KATNIP: variants seen among roughly 807,000 people sequenced by gnomAD.
The protein encoded by KATNIP is katanin interacting protein, also known as katanin-interacting protein.
Under a neutral mutation model 174.0 loss-of-function variants are expected in KATNIP, and 126 were observed. The ratio of observed to expected loss-of-function variants is 0.72; its 90% CI spans 0.63 to 0.84. The LOEUF (loss-of-function observed/expected upper bound fraction) is 0.84. KATNIP is among the 40% of genes least tolerant of loss of function. The pLI, the probability that KATNIP is intolerant of heterozygous loss-of-function variation, is 0.00. For synonymous variants in KATNIP, 810 were observed against 835.7 expected, an observed-to-expected ratio of 0.97 and a Z score of 0.53; for missense variants, 1,958 against 2,109.7, an observed-to-expected ratio of 0.93 and a Z score of 1.41.
At chr16:27,704,906 CTTTTTTTTTTTT>C (rs560766968) in intron 12 of KATNIP, among the ~76,000 whole-genome samples, 1 of 127,552 alleles carries the variant, frequency 7.8e-6, no homozygotes, top group East Asian at 2.2e-4. Flanking sequence ...TCTTTTTTTT[CTTTTTTTTTTTT>C]TTTTTTTTCT....
intron 6 of KATNIP, among the ~76,000 whole-genome samples, chr16:27,671,216 G>C (rs1190926731): frequency 6.6e-6 from 1 of 152,018 alleles, no homozygotes; most frequent in Non-Finnish European, 1.5e-5. Flanking sequence ...AAAATAAAAA[G>C]TCAGGTGCCT....
At chr16:27,714,863 T>C (rs2079855706) in intron 13 of KATNIP, among the ~76,000 whole-genome samples, 1 of 152,198 alleles carries the variant, frequency 6.6e-6, no homozygotes, top group Non-Finnish European at 1.5e-5. Flanking sequence ...ATTGTCGAGA[T>C]GGTAATACTT....
intron 2 of KATNIP, among the ~76,000 whole-genome samples, chr16:27,595,291 G>A (rs1426379404): frequency 1.3e-5 from 2 of 152,162 alleles, no homozygotes; most frequent in Admixed American, 1.3e-4. Flanking sequence ...GGAAGCTAAG[G>A]TGGGCGGATC....
chr16:27,558,703 T>C (rs1411846764), intron 1 of KATNIP, among the ~76,000 whole-genome samples: 1 of 152,222 alleles, frequency 6.6e-6, no homozygotes, highest in Non-Finnish European at 1.5e-5. Context: ...GTTGAGTAGT[T>C]GTAAAAGAGA....
intron 1 of KATNIP, among the ~76,000 whole-genome samples, chr16:27,556,693 G>A (rs538193495): frequency 5.3e-5 from 8 of 152,204 alleles, no homozygotes; most frequent in African/African-American, 1.4e-4. Flanking sequence ...GTACACCATC[G>A]GTTTAGCTGG....
chr16:27,769,987 C>A lies in KATNIP; in HGVS notation c.4102C>A (p.Arg1368=), dbSNP rs766568487. 1 of 1,614,102 alleles carries A rather than the reference C, an allele frequency of 6.2e-7. No homozygotes were observed. Among genetic ancestry groups the A allele is most frequent in the Non-Finnish European group, 8.5e-7 (1 of 1,179,902 alleles). The change falls in exon 21 of 28, where the codon CGG becomes AGG. Residue 1368 remains arginine (R), a synonymous_variant. Coordinates refer to ENST00000261588, the MANE Select transcript of KATNIP (RefSeq NM_015202.5). ...AGAAATCCTCTTCGTGGACTACCTA[C>A]GGGCTCAGCTGCTGCCCCAGCCGGC... ...AQEILFVDYL[R]AQLLPQPARR... is the part of the protein sequence containing the mutation.
chr16:27,778,209 G>A lies in KATNIP; in HGVS notation c.4801+240G>A, dbSNP rs148891776. Reference sequence around the variant, plus strand: ...GTGGAGCTTCCTGAATCTAAGTGTCGTGGGCACAGAGTGGGGAAGCAGTCA... The same window carrying A: ...GTGGAGCTTCCTGAATCTAAGTGTCATGGGCACAGAGTGGGGAAGCAGTCA... On this transcript the variant is annotated intron_variant, in intron 27 of 27. Coordinates refer to ENST00000261588, the MANE Select transcript of KATNIP (RefSeq NM_015202.5). Among the ~76,000 whole-genome samples, 973 of 152,336 alleles carry A rather than the reference G, an allele frequency of 6.4e-3. 9 individuals carry two copies. The highest frequency in any genetic ancestry group is 0.021 in the African/African-American group (868 of 41,584).
At chr16:27,565,813 A>C (rs1353771813) in intron 1 of KATNIP, among the ~76,000 whole-genome samples, 1 of 151,968 alleles carries the variant, frequency 6.6e-6, no homozygotes, top group Non-Finnish European at 1.5e-5. Flanking sequence ...AAAAAAAAAA[A>C]ACAAAGGAAG....
At chr16:27,592,080 C>T (rs910196013) in intron 2 of KATNIP, among the ~76,000 whole-genome samples, 4 of 151,962 alleles carry the variant, frequency 2.6e-5, no homozygotes, top group East Asian at 3.9e-4. Context: ...GCCTGGGAGA[C>T]GACCAAGGAC....
intron 8 of KATNIP, among the ~76,000 whole-genome samples, chr16:27,688,077 C>A (rs939893040): frequency 5.9e-5 from 9 of 152,180 alleles, no homozygotes; most frequent in African/African-American, 2.2e-4. Context: ...TAGCTTTACA[C>A]TTCTCTAGCC....
chr16:27,709,841 CTG>C (rs1487833136), intron 13 of KATNIP, among the ~76,000 whole-genome samples: 3 of 152,124 alleles, frequency 2.0e-5, no homozygotes, highest in Non-Finnish European at 1.5e-5. Context: ...CCATCAAACA[CTG>C]GACCTCAGGG....
At chr16:27,763,472 C>G (rs1310769215) in intron 19 of KATNIP, among the ~76,000 whole-genome samples, 3 of 142,214 alleles carry the variant, frequency 2.1e-5, no homozygotes, top group African/African-American at 7.9e-5. Context: ...AAAAAATAGC[C>G]AGGCATTGTG....
chr16:27,749,107 C>T (rs1237607684), intron 15 of KATNIP, among the ~76,000 whole-genome samples: 1 of 152,224 alleles, frequency 6.6e-6, no homozygotes, highest in Non-Finnish European at 1.5e-5. Flanking sequence ...AGCAGCATTG[C>T]CCCTGGTCAT....
intron 1 of KATNIP, among the ~76,000 whole-genome samples, chr16:27,572,399 A>ACACACG (rs1555510773): frequency 6.6e-6 from 1 of 151,128 alleles, no homozygotes; most frequent in East Asian, 2.0e-4. Context: ...ACACACACAC[A>ACACACG]ATGAAGACAA....
intron 1 of KATNIP, among the ~76,000 whole-genome samples, chr16:27,554,028 GAGAA>G (rs1299514564): frequency 1.3e-5 from 2 of 150,414 alleles, no homozygotes; most frequent in East Asian, 2.0e-4. Flanking sequence ...GGAGAGGAGA[GAGAA>G]AGGAAGGAGG....
intron 1 of KATNIP, among the ~76,000 whole-genome samples, chr16:27,551,711 C>G (rs1011767214): frequency 6.6e-6 from 1 of 152,146 alleles, no homozygotes; most frequent in African/African-American, 2.4e-5. Context: ...ATGGTGAAAC[C>G]TTGTCTCTAC....
At chr16:27,613,582 G>T (rs972185058) in intron 2 of KATNIP, among the ~76,000 whole-genome samples, 3 of 152,298 alleles carry the variant, frequency 2.0e-5, no homozygotes, top group African/African-American at 7.2e-5. Context: ...AAATTGCCTT[G>T]GAGCAGCATC....
chr16:27,764,231 C>T (rs2082052552), intron 19 of KATNIP, among the ~76,000 whole-genome samples: 1 of 152,166 alleles, frequency 6.6e-6, no homozygotes, highest in Non-Finnish European at 1.5e-5. Flanking sequence ...GATTCTCTCC[C>T]CTCCTTTTCT....
At chr16:27,615,894 G>A (rs892650462) in intron 2 of KATNIP, among the ~76,000 whole-genome samples, 17 of 152,130 alleles carry the variant, frequency 1.1e-4, no homozygotes, top group African/African-American at 4.1e-4. Context: ...GAATAGTAGA[G>A]ATTTCTATTT....
Sources: allele counts gnomAD v4.1 joint callset (sites outside exome capture counted in the v4.1 genomes callset), GRCh38; gene constraint gnomAD v4.1.1; transcripts MANE v1.5; gene names NCBI Gene and HGNC (gene_info 2026-07-23, HGNC 2026-07-21).